The following DRD2 variants were observed in gnomAD, a reference collection of about 807,000 sequenced individuals.
DRD2 encodes dopamine receptor D2.
Under a neutral mutation model 38.0 loss-of-function variants are expected in DRD2, and 8 were observed. The observed-to-expected ratio is 0.21, with a 90% confidence interval of 0.12 to 0.38. The LOEUF (loss-of-function observed/expected upper bound fraction) is 0.38. Ranked by LOEUF, DRD2 falls within the 10% of genes least tolerant of loss-of-function variation. The probability of loss-of-function intolerance (pLI) is 1.00; values close to 1 mark genes in which losing one functional copy is unlikely to be tolerated. For synonymous variants in DRD2, 230 were observed against 238.6 expected, an observed-to-expected ratio of 0.96 and a Z score of 0.33; for missense variants, 403 against 607.7, an observed-to-expected ratio of 0.66 and a Z score of 3.54.
intron 1 of DRD2, among the ~76,000 whole-genome samples, chr11:113,468,832 G>A (rs1194947018): frequency 6.6e-6 from 1 of 152,200 alleles, no homozygotes; most frequent in Non-Finnish European, 1.5e-5. Context: ...ACAGGCGTGA[G>A]CCACCGCGTC....
intron 1 of DRD2, among the ~76,000 whole-genome samples, chr11:113,426,248 C>T (rs938582927): frequency 1.3e-5 from 2 of 151,756 alleles, no homozygotes; most frequent in Non-Finnish European, 2.9e-5. Flanking sequence ...AGGATTTCTG[C>T]GTGGGGCTCT....
intron 1 of DRD2, among the ~76,000 whole-genome samples, chr11:113,429,016 T>C (rs1311878235): frequency 6.6e-6 from 1 of 152,222 alleles, no homozygotes; most frequent in East Asian, 1.9e-4. Flanking sequence ...TGGTTACTTC[T>C]GCAGGGTAAG....
intron 1 of DRD2, among the ~76,000 whole-genome samples, chr11:113,447,885 G>A (rs577865378): frequency 3.9e-5 from 6 of 152,296 alleles, no homozygotes; most frequent in South Asian, 2.1e-4. Flanking sequence ...GCCATGATGC[G>A]ATCTCCAGCC....
intron 1 of DRD2, among the ~76,000 whole-genome samples, chr11:113,460,555 C>G (rs1051248474): frequency 3.3e-5 from 5 of 152,250 alleles, no homozygotes; most frequent in Admixed American, 2.6e-4. Flanking sequence ...CCTGGGGGCC[C>G]TCTGCCCTGG....
intron 2 of DRD2, 59 bp from the exon 3 acceptor site, chr11:113,418,195 G>C: frequency 7.1e-7 from 1 of 1,415,404 alleles, no homozygotes; most frequent in Non-Finnish European, 1.0e-6. Context: ...CTTAGGTCCT[G>C]TAGCCTGGTA....
intron 6 of DRD2, chr11:113,413,865 C>T (rs1330995903): frequency 2.1e-5 from 4 of 188,732 alleles, no homozygotes; most frequent in Non-Finnish European, 4.1e-5. Flanking sequence ...TGCTCTGCTG[C>T]GTCCTACCCC....
At chr11:113,453,325 T>C (rs1375618377) in intron 1 of DRD2, among the ~76,000 whole-genome samples, 2 of 152,166 alleles carry the variant, frequency 1.3e-5, no homozygotes, top group East Asian at 3.9e-4. Context: ...ATTGGGGTAG[T>C]TGTACAGATT....
At chr11:113,435,666 C>T (rs1407831443) in intron 1 of DRD2, among the ~76,000 whole-genome samples, 1 of 143,530 alleles carries the variant, frequency 7.0e-6, no homozygotes, top group Non-Finnish European at 1.5e-5. Context: ...CCTCAATTTG[C>T]CCCCACAAAG....
rs373635903 is a variant in DRD2, at chr11:113,416,216, A to G, written c.533-605T>C. 8.6e-4 allele frequency among the ~76,000 whole-genome samples: 131 copies of G among 152,326 alleles called. 5 individuals are homozygous for G. In the South Asian group the frequency reaches 0.027, roughly 31 times the overall value. ...ATAGATACCGAACCACACATTTTCAAGGCTTCACTGTATCTTTTGTTGTTA... is the reference window on the plus strand; with the variant it reads ...ATAGATACCGAACCACACATTTTCAGGGCTTCACTGTATCTTTTGTTGTTA... On this transcript the variant is annotated intron_variant, in intron 4 of 7. Transcript: ENST00000362072.
chr11:113,441,948 C>CAA (rs779962309), intron 1 of DRD2, among the ~76,000 whole-genome samples: 3 of 95,120 alleles, frequency 3.2e-5, no homozygotes, highest in Non-Finnish European at 2.2e-5. Context: ...ACTCTGTCTC[C>CAA]AAAAAAAAAA....
intron 1 of DRD2, among the ~76,000 whole-genome samples, chr11:113,440,829 T>C (rs971478764): frequency 1.3e-5 from 2 of 152,242 alleles, no homozygotes; most frequent in African/African-American, 4.8e-5. Flanking sequence ...CTTGAGAATT[T>C]CAGAGGCAGA....
chr11:113,456,034 C>G (rs909316595), intron 1 of DRD2, among the ~76,000 whole-genome samples: 1 of 152,074 alleles, frequency 6.6e-6, no homozygotes, highest in African/African-American at 2.4e-5. Flanking sequence ...TTGGAAACAA[C>G]CTAAGTGCCC....
Position 113,437,455 on chromosome 11 carries a change from C to T in DRD2, c.-31-12773G>A, listed in dbSNP as rs147260406. Among the ~76,000 whole-genome samples, 129 of 152,268 alleles carry T rather than the reference C, an allele frequency of 8.5e-4. No homozygotes were observed. In the Middle Eastern group the frequency reaches 0.014, roughly 16 times the overall value. On this transcript the variant is annotated intron_variant, in intron 1 of 7. Transcript: ENST00000362072. ...GTCCACAGAGCCCCCAAAGGAACTT[C>T]TCATATAATTATATGAGGGAAGAAT...
At chr11:113,444,334 GGT>G (rs1365026350) in intron 1 of DRD2, among the ~76,000 whole-genome samples, 1 of 152,174 alleles carries the variant, frequency 6.6e-6, no homozygotes, top group African/African-American at 2.4e-5. Context: ...ACACCCAGCT[GGT>G]GTATTTGTAC....
rs866197752 is a variant in DRD2 at position 113,415,611 on chromosome 11, T to A, written c.533A>T (p.Asp178Val). Residue 178 changes from aspartate (D) to valine (V), a missense_variant and splice_region_variant, in exon 5 of 8, where the codon GAC becomes GTC. By Grantham distance (152) the Asp-to-Val change is radical. Around this residue, in one of 4 missense-constraint regions of DRD2, gnomAD observed 162 missense variants for 254.5 expected, o/e 0.64. Coordinates refer to ENST00000362072, the MANE Select transcript of DRD2 (RefSeq NM_000795.4). ...CPLLFGLNNA[D>V]QNECIIANPA... ...GTTGGCAATGATGCACTCGTTCTGG[T>A]CTGGGGGAGGGAGAGCCCGGGCAGG... 5.0e-6 allele frequency: 8 copies of A among 1,611,678 alleles called. No homozygotes were observed. The highest frequency in any genetic ancestry group is 5.9e-6 in the Non-Finnish European group (7 of 1,178,814).
At position 113,423,107 on chromosome 11, in the gene DRD2, C is replaced by T. The variant is rs376193764; in HGVS notation, c.285+1260G>A. ...AAAGGGGCAGGATCCAGCTTGTGCC[C>T]ACCGATGATCCCTAAATGCTCCCAC... On this transcript the variant is annotated intron_variant, in intron 2 of 7. Transcript: ENST00000362072. 7.9e-4 allele frequency among the ~76,000 whole-genome samples: 121 copies of T among 152,228 alleles called. 4 individuals carry two copies. The South Asian group carries it at 0.025, about 31-fold the overall frequency.
At chr11:113,420,895 A>G (rs961646546) in intron 2 of DRD2, among the ~76,000 whole-genome samples, 3 of 152,164 alleles carry the variant, frequency 2.0e-5, no homozygotes, top group Non-Finnish European at 4.4e-5. Context: ...TCACACCCCC[A>G]GGCATCCAGG....
In DRD2 at chr11:113,412,590, C is replaced by T; in HGVS notation, c.1104G>A (p.Glu368=). The T allele has an allele frequency of 6.2e-7, 1 of 1,614,164 alleles. No homozygotes were observed. The highest frequency in any genetic ancestry group is 8.5e-7 in the Non-Finnish European group (1 of 1,180,048). Residue 368 remains glutamate, a synonymous_variant, in exon 7 of 8, where the codon GAG becomes GAA. Coordinates refer to ENST00000362072, the MANE Select transcript of DRD2 (RefSeq NM_000795.4). ...MSRRKLSQQK[E]KKATQMLAIV... is the part of the protein sequence containing the mutation. ...TGGCGAGCATCTGAGTGGCTTTCTT[C>T]TCCTTCTGCTGGGAGAGCTTCCTAC... is the stretch of plus-strand genomic sequence containing the variant.
At chr11:113,426,275 A>G (rs1434840723) in intron 1 of DRD2, among the ~76,000 whole-genome samples, 1 of 152,022 alleles carries the variant, frequency 6.6e-6, no homozygotes, top group Non-Finnish European at 1.5e-5. Context: ...CTGGTGTCGC[A>G]TATTCACAGA....
Sources: allele counts gnomAD v4.1 joint callset (sites outside exome capture counted in the v4.1 genomes callset), GRCh38; gene constraint gnomAD v4.1.1; regional missense constraint gnomAD v4.1.1; transcripts MANE v1.5; gene names NCBI Gene and HGNC (gene_info 2026-07-23, HGNC 2026-07-21).